Variants in SH3BP2 observed in about 807,000 individuals in gnomAD.
SH3BP2 encodes SH3 domain-binding protein 2.
SH3BP2 carries 38 observed loss-of-function variants against 56.2 expected under a neutral mutation model. That is an observed-to-expected ratio of 0.68 (90% CI 0.52 to 0.89). The LOEUF is 0.89. Among genes scored for constraint, SH3BP2 ranks in the 40% least tolerant of loss-of-function variants. The probability of loss-of-function intolerance (pLI) is 0.00; values close to 1 mark genes in which losing one functional copy is unlikely to be tolerated. For missense variants in SH3BP2, 748 were observed against 762.6 expected (o/e 0.98, Z 0.23); for synonymous variants, 346 against 316.7 (o/e 1.09, Z -0.98).
chr4:2,798,872 T>C (rs1723147797), intron 1 of SH3BP2: 1 of 685,966 alleles, frequency 1.5e-6, no homozygotes, highest in Non-Finnish European at 1.8e-6. Flanking sequence ...CTGGGCATCC[T>C]CCGCCTTCTC....
intron 1 of SH3BP2, among the ~76,000 whole-genome samples, chr4:2,802,400 A>ATGTG (rs1723317968): frequency 9.8e-6 from 1 of 101,890 alleles, no homozygotes; most frequent in Non-Finnish European, 2.1e-5. Flanking sequence ...TCTCAAAAAA[A>ATGTG]TATATGTGTG....
chr4:2,799,482 TGGTCGG>T (rs1723171825), intron 1 of SH3BP2, among the ~76,000 whole-genome samples: 1 of 152,108 alleles, frequency 6.6e-6, no homozygotes, highest in Non-Finnish European at 1.5e-5. Flanking sequence ...TGATGTTTTG[TGGTCGG>T]GGTGGCTGTG....
intron 1 of SH3BP2, among the ~76,000 whole-genome samples, chr4:2,800,544 T>G (rs1723225311): frequency 1.1e-5 from 1 of 90,244 alleles, no homozygotes; most frequent in Non-Finnish European, 2.1e-5. Context: ...GCTTGTCCTG[T>G]GACCGCCCCC....
In SH3BP2 at chr4:2,818,833, G is replaced by T. The variant is rs548710607; in HGVS notation, c.-4-1781G>T. The T allele has an allele frequency of 1.2e-3, 1,142 of 986,278 alleles. No homozygotes were observed. Among genetic ancestry groups the T allele is most frequent in the Middle Eastern group, 6.7e-3 (13 of 1,926 alleles). The allele number at this position is 986,278 out of a possible 1,614,324, so 61.1% of individuals were successfully genotyped here. A position where few individuals can be genotyped will look rare whatever the true frequency, so the allele number is the denominator to read the frequency against. Reference sequence around the variant, plus strand: ...GGGGTCCAGCCGGGTGACCCAGGCCGAGGCCGGCAGAAGACAGCCTGATGC... The same window carrying T: ...GGGGTCCAGCCGGGTGACCCAGGCCTAGGCCGGCAGAAGACAGCCTGATGC... On this transcript the variant is annotated intron_variant, in intron 1 of 12. Transcript: ENST00000503393.
intron 5 of SH3BP2, 77 bp downstream of exon 5, chr4:2,825,273 A>T: frequency 8.2e-7 from 1 of 1,214,152 alleles, no homozygotes. Context: ...TCCGCCTCCC[A>T]GCCCCGGGCT....
intron 1 of SH3BP2, chr4:2,799,203 C>T (rs193044966): frequency 9.1e-6 from 9 of 985,516 alleles, no homozygotes; most frequent in Middle Eastern, 1.0e-3. Context: ...TGCTCCCAGG[C>T]GGGACCCTGG....
chr4:2,800,420 GC>G (rs1723220413), intron 1 of SH3BP2, among the ~76,000 whole-genome samples: 1 of 152,204 alleles, frequency 6.6e-6, no homozygotes, highest in Non-Finnish European at 1.5e-5. Context: ...GCCCGAGCCT[GC>G]CCCGTGGCTG....
chr4:2,814,336 C>T (rs11725499), intron 1 of SH3BP2, among the ~76,000 whole-genome samples: 1 of 152,144 alleles, frequency 6.6e-6, no homozygotes, highest in Admixed American at 6.5e-5. Flanking sequence ...CTCTGTGGGA[C>T]TGAGCACTTT....
At chr4:2,815,315 C>T (rs1193180981) in intron 1 of SH3BP2, among the ~76,000 whole-genome samples, 1 of 152,204 alleles carries the variant, frequency 6.6e-6, no homozygotes, top group African/African-American at 2.4e-5. Flanking sequence ...TGGAGAGGGG[C>T]TGTGGGTGTC....
intron 2 of SH3BP2, 67 bp downstream of exon 2, chr4:2,820,820 G>A (rs762908920): frequency 7.2e-5 from 108 of 1,507,282 alleles, no homozygotes; most frequent in Non-Finnish European, 9.3e-5. Flanking sequence ...ATGTAAGTAA[G>A]CATCCTCTCC....
Position 2,825,142 on chromosome 4 carries a change from T to C in SH3BP2, c.374T>C (p.Leu125Pro), listed in dbSNP as rs1362087322. The change falls in exon 5 of 13, where the codon CTG (leucine) becomes CCG (proline). Residue 125 changes from leucine (L) to proline (P), a missense_variant. Leu to Pro is a moderately conservative substitution (Grantham distance 98). Coordinates refer to ENST00000503393, the MANE Select transcript of SH3BP2 (RefSeq NM_001122681.2). ...GACCTGCAGAGCTGGATGGCCTTGC[T>C]GCGCAGGGAGATTGGCCACTTCCAC... is the stretch of plus-strand genomic sequence containing the variant. Reference protein sequence around the residue: ...EEERKSWMALLRREIGHFHEK... With the variant: ...EEERKSWMALPRREIGHFHEK... The C allele has an allele frequency of 2.5e-6, 4 of 1,578,542 alleles. No individual in the cohort carries two copies. The highest frequency in any genetic ancestry group is 2.7e-5 in the African/African-American group (2 of 73,926).
At chr4:2,802,542 GTGTATA>G in intron 1 of SH3BP2, among the ~76,000 whole-genome samples, 1 of 137,942 alleles carries the variant, frequency 7.2e-6, no homozygotes, top group East Asian at 2.0e-4. Flanking sequence ...ATGTGTGTGT[GTGTATA>G]TATATGTGTA....
At chr4:2,809,489 G>C (rs1406543640) in intron 1 of SH3BP2, among the ~76,000 whole-genome samples, 1 of 152,112 alleles carries the variant, frequency 6.6e-6, no homozygotes, top group Non-Finnish European at 1.5e-5. Flanking sequence ...AGCCTCTCCT[G>C]AAGGTGGCAA....
rs2108738343 is a variant in SH3BP2, at chr4:2,829,489, G to T, written c.587-4G>T. 1 of 1,613,496 alleles carries T rather than the reference G, an allele frequency of 6.2e-7. No individual in the cohort carries two copies. Among genetic ancestry groups the T allele is most frequent in the Non-Finnish European group, 8.5e-7 (1 of 1,179,960 alleles). ...GGTCCAACCCGGGTCTCTTTGCTCTGCAGATGCCCTGATGCACCCACCGGC... is the reference window on the plus strand; with the variant it reads ...GGTCCAACCCGGGTCTCTTTGCTCTTCAGATGCCCTGATGCACCCACCGGC... On this transcript the variant is annotated splice_polypyrimidine_tract_variant and splice_region_variant and intron_variant, in intron 7 of 12. Coordinates refer to ENST00000503393, the MANE Select transcript of SH3BP2 (RefSeq NM_001122681.2). The surrounding 1 kb of genome is among the most constrained non-coding windows in gnomAD (Gnocchi z 4.9).
chr4:2,829,212 C>A lies in SH3BP2; in HGVS notation c.587-281C>A, dbSNP rs1724841376. Among the ~76,000 whole-genome samples, 1 of 152,146 alleles carries A rather than the reference C, an allele frequency of 6.6e-6. No individual in the cohort carries two copies. Among genetic ancestry groups the A allele is most frequent in the Non-Finnish European group, 1.5e-5 (1 of 68,026 alleles). On this transcript the variant is annotated intron_variant, in intron 7 of 12. Transcript: ENST00000503393. The surrounding 1 kb of genome is among the most constrained non-coding windows in gnomAD (Gnocchi z 4.9). Reference sequence around the variant, plus strand: ...TTCTCTTCCTTTCTCTTCCTTCCACCTCTGGGAACCTGATGGGCTCCTCAG... The same window carrying A: ...TTCTCTTCCTTTCTCTTCCTTCCACATCTGGGAACCTGATGGGCTCCTCAG...
chr4:2,830,229 C>T (rs939658681), intron 8 of SH3BP2, 82 bp downstream of exon 8: 18 of 1,349,938 alleles, frequency 1.3e-5, no homozygotes, highest in African/African-American at 5.8e-5. Context: ...CTGCCCACCT[C>T]GCTCCCCTGG....
Position 2,822,918 on chromosome 4 carries a change from C to T in SH3BP2, c.137-17C>T. 1 of 1,608,396 alleles carries T rather than the reference C, an allele frequency of 6.2e-7. No individual in the cohort carries two copies. Among genetic ancestry groups the T allele is most frequent in the Non-Finnish European group, 8.5e-7 (1 of 1,175,552 alleles). ...GCCCCTCCAGGCTCACCTTCCTGCC[C>T]TTGCCACCTCCCACAGGGCCCCTGC... On this transcript the variant is annotated splice_polypyrimidine_tract_variant and intron_variant, in intron 2 of 12. Transcript: ENST00000503393.
chr4:2,798,958 C>T (rs149933456), intron 1 of SH3BP2: 3 of 982,998 alleles, frequency 3.1e-6, no homozygotes, highest in South Asian at 4.7e-5. Context: ...GCTGCTGGGG[C>T]GGGGTGTGTG....
At chr4:2,823,358 C>A (rs1365837418) in intron 3 of SH3BP2, 1 of 492,248 alleles carries the variant, frequency 2.0e-6, no homozygotes, top group East Asian at 5.8e-5. Context: ...TCCTCCCTCC[C>A]CACCTTGCCC....
Sources: allele counts gnomAD v4.1 joint callset (sites outside exome capture counted in the v4.1 genomes callset), GRCh38; gene constraint gnomAD v4.1.1; non-coding constraint Gnocchi (gnomAD v3.1); transcripts MANE v1.5; gene names NCBI Gene and HGNC (gene_info 2026-07-23, HGNC 2026-07-21).